DNAJC6: variants seen among roughly 807,000 people sequenced by gnomAD.
The protein encoded by DNAJC6 is auxilin.
Under a neutral mutation model 110.0 loss-of-function variants are expected in DNAJC6, and 34 were observed. The ratio of observed to expected loss-of-function variants is 0.31; its 90% confidence interval spans 0.24 to 0.41. DNAJC6 has a LOEUF of 0.41. DNAJC6 is among the 10% of genes least tolerant of loss of function. The probability of loss-of-function intolerance (pLI) is 1.00; values close to 1 mark genes in which losing one functional copy is unlikely to be tolerated. For synonymous variants in DNAJC6, 406 were observed against 437.2 expected (o/e 0.93, Z 0.89); for missense variants, 1,031 against 1,207.8 (o/e 0.85, Z 2.17).
intron 1 of DNAJC6, among the ~76,000 whole-genome samples, chr1:65,267,878 G>A (rs551077003): frequency 1.5e-3 from 129 of 86,306 alleles, no homozygotes; most frequent in Non-Finnish European, 2.7e-3. Flanking sequence ...AGTGTATGGT[G>A]TGAGGTGGTG....
intron 1 of DNAJC6, among the ~76,000 whole-genome samples, chr1:65,280,751 C>A (rs1653818396): frequency 6.6e-6 from 1 of 152,038 alleles, no homozygotes; most frequent in Non-Finnish European, 1.5e-5. Context: ...TTAAGGCAGT[C>A]TTTTCATTTT....
At chr1:65,285,826 C>T (rs1653998548) in intron 1 of DNAJC6, among the ~76,000 whole-genome samples, 1 of 152,068 alleles carries the variant, frequency 6.6e-6, no homozygotes, top group Non-Finnish European at 1.5e-5. Flanking sequence ...GCATGTACCA[C>T]CACACCGGCT....
intron 1 of DNAJC6, among the ~76,000 whole-genome samples, chr1:65,363,611 T>C (rs1645618079): frequency 6.6e-6 from 1 of 152,100 alleles, no homozygotes; most frequent in African/African-American, 2.4e-5. Context: ...TTTGCCAATC[T>C]CTGGAGACAT....
chr1:65,274,292 A>G (rs1480364717), intron 1 of DNAJC6, among the ~76,000 whole-genome samples: 2 of 151,648 alleles, frequency 1.3e-5, no homozygotes, highest in African/African-American at 4.8e-5. Context: ...ATCTTTTCCC[A>G]TTTGTATACT....
intron 4 of DNAJC6, among the ~76,000 whole-genome samples, chr1:65,373,897 A>G (rs1265554815): frequency 6.6e-6 from 1 of 152,018 alleles, no homozygotes; most frequent in Non-Finnish European, 1.5e-5. Flanking sequence ...GTTTTCTTCT[A>G]GTCATTTTAT....
intron 1 of DNAJC6, 87 bp from the exon 2 acceptor site, chr1:65,364,548 A>G: frequency 7.2e-7 from 1 of 1,393,508 alleles, no homozygotes; most frequent in Non-Finnish European, 9.7e-7. Flanking sequence ...CAGTCTGTGT[A>G]TGTTTTAAGA....
At chr1:65,340,853 G>A (rs936792006) in intron 1 of DNAJC6, among the ~76,000 whole-genome samples, 2 of 152,082 alleles carry the variant, frequency 1.3e-5, no homozygotes, top group South Asian at 2.1e-4. Flanking sequence ...GCTACTGAGG[G>A]GTGTTGAAAG....
At chr1:65,375,823 C>T (rs1645760751) in intron 4 of DNAJC6, among the ~76,000 whole-genome samples, 1 of 152,180 alleles carries the variant, frequency 6.6e-6, no homozygotes, top group African/African-American at 2.4e-5. Context: ...TATCTGTGTT[C>T]TTCAGTGACA....
At chr1:65,298,588 C>A (rs950788393) in intron 1 of DNAJC6, among the ~76,000 whole-genome samples, 2 of 150,322 alleles carry the variant, frequency 1.3e-5, no homozygotes, top group East Asian at 3.9e-4. Context: ...AAAAGACTGA[C>A]CATGACTTTT....
intron 1 of DNAJC6, among the ~76,000 whole-genome samples, chr1:65,302,110 A>ATGTAT (rs1644987794): frequency 3.7e-5 from 2 of 54,540 alleles, no homozygotes; most frequent in African/African-American, 5.0e-4. Context: ...AATATATAAT[A>ATGTAT]TATATATATA....
intron 1 of DNAJC6, among the ~76,000 whole-genome samples, chr1:65,311,161 GACCATTTTAAATAA>G (rs1645095643): frequency 6.9e-6 from 1 of 144,066 alleles, no homozygotes; most frequent in Non-Finnish European, 1.5e-5. Context: ...CATTCTCTTA[GACCATTTTAAATAA>G]AACTAAAATG....
chr1:65,326,530 C>T (rs540562742), intron 1 of DNAJC6, among the ~76,000 whole-genome samples: 4 of 152,332 alleles, frequency 2.6e-5, no homozygotes, highest in Admixed American at 2.0e-4. Context: ...CTATTTAAAA[C>T]ATATTACTTA....
At chr1:65,377,020 C>T (rs781125747) in intron 4 of DNAJC6, among the ~76,000 whole-genome samples, 26 of 152,178 alleles carry the variant, frequency 1.7e-4, no homozygotes, top group Non-Finnish European at 4.4e-5. Flanking sequence ...GCCTAGGCCT[C>T]CCAAAGTGTT....
chr1:65,268,281 GT>G (rs547375907), intron 1 of DNAJC6, among the ~76,000 whole-genome samples: 46 of 152,234 alleles, frequency 3.0e-4, no homozygotes, highest in African/African-American at 1.1e-3. Context: ...ATTCAGTGAG[GT>G]TTTTAAATAC....
At chr1:65,407,536 C>T (rs891107491) in intron 16 of DNAJC6, among the ~76,000 whole-genome samples, 2 of 152,190 alleles carry the variant, frequency 1.3e-5, no homozygotes, top group African/African-American at 2.4e-5. Flanking sequence ...GGCTAGAACA[C>T]AGGTGCTCAC....
chr1:65,401,033 A>G (rs571983400), intron 14 of DNAJC6, among the ~76,000 whole-genome samples: 1 of 151,926 alleles, frequency 6.6e-6, no homozygotes, highest in African/African-American at 2.4e-5. Context: ...GTGATATGTC[A>G]TTTTGGTTTT....
intron 5 of DNAJC6, among the ~76,000 whole-genome samples, chr1:65,382,042 A>AT (rs984950515): frequency 2.0e-5 from 3 of 152,098 alleles, no homozygotes; most frequent in Non-Finnish European, 4.4e-5. Context: ...AAGAGAGGAG[A>AT]TTTTTTCCCA....
intron 1 of DNAJC6, among the ~76,000 whole-genome samples, chr1:65,284,425 C>T (rs1025438454): frequency 6.6e-6 from 1 of 152,156 alleles, no homozygotes; most frequent in Non-Finnish European, 1.5e-5. Flanking sequence ...GACTTCCCTT[C>T]GTCTGTTCTC....
chr1:65,376,212 G>T (rs1351592569), intron 4 of DNAJC6, among the ~76,000 whole-genome samples: 1 of 151,900 alleles, frequency 6.6e-6, no homozygotes, highest in Non-Finnish European at 1.5e-5. Flanking sequence ...ATGAGTCTTT[G>T]TATTTCTGAG....
Sources: allele counts gnomAD v4.1 joint callset (sites outside exome capture counted in the v4.1 genomes callset), GRCh38; gene constraint gnomAD v4.1.1; transcripts MANE v1.5; gene names NCBI Gene and HGNC (gene_info 2026-07-23, HGNC 2026-07-21).